Variants in SPEF2 observed in about 807,000 individuals in gnomAD.
SPEF2 encodes sperm flagellar and cilia associated 2, also known as sperm flagella and cilia-associated protein 2.
SPEF2 carries 187 observed loss-of-function variants against 224.6 expected under a neutral mutation model. The observed-to-expected ratio is 0.83, with a 90% CI of 0.74 to 0.94. SPEF2 has a LOEUF of 0.94. SPEF2 is among the 40% of genes least tolerant of loss of function. The probability of loss-of-function intolerance (pLI) is 0.00; values close to 1 mark genes in which losing one functional copy is unlikely to be tolerated. For missense variants in SPEF2, 2,170 were observed against 2,135.6 expected (o/e 1.02, Z -0.32); for synonymous variants, 715 against 707.3 (o/e 1.01, Z -0.17).
At chr5:35,753,484 C>T in intron 23 of SPEF2, 140 bp from the exon 24 acceptor site, 1 of 1,075,926 alleles carries the variant, frequency 9.3e-7, no homozygotes, top group Non-Finnish European at 1.4e-6. Flanking sequence ...TGAATGAGCA[C>T]ATACAATACA....
intron 21 of SPEF2, among the ~76,000 whole-genome samples, chr5:35,733,312 T>C (rs1580495295): frequency 6.6e-6 from 1 of 152,070 alleles, no homozygotes; most frequent in South Asian, 2.1e-4. Context: ...GATGGGGTTT[T>C]ACCGTGTTAG....
At chr5:35,677,473 T>C (rs1752189781) in intron 10 of SPEF2, among the ~76,000 whole-genome samples, 2 of 152,188 alleles carry the variant, frequency 1.3e-5, no homozygotes, top group South Asian at 4.1e-4. Flanking sequence ...TCAAGGGCAC[T>C]TGGGGAGCAA....
chr5:35,786,994 A>G (rs1254439013), intron 30 of SPEF2, among the ~76,000 whole-genome samples: 1 of 152,228 alleles, frequency 6.6e-6, no homozygotes, highest in Non-Finnish European at 1.5e-5. Flanking sequence ...ACATAATCTA[A>G]TGATTAGTAG....
intron 23 of SPEF2, among the ~76,000 whole-genome samples, chr5:35,747,694 A>G (rs1748764224): frequency 6.6e-6 from 1 of 152,196 alleles, no homozygotes; most frequent in African/African-American, 2.4e-5. Flanking sequence ...AACAATCACT[A>G]ACAGACCTAA....
chr5:35,670,339 G>C, intron 10 of SPEF2, 112 bp downstream of exon 10: 1 of 1,438,914 alleles, frequency 6.9e-7, no homozygotes, highest in Non-Finnish European at 9.1e-7. Context: ...GACATGTTTT[G>C]TTTGCATTTT....
At chr5:35,746,364 G>A (rs1480258798) in intron 23 of SPEF2, among the ~76,000 whole-genome samples, 4 of 152,186 alleles carry the variant, frequency 2.6e-5, no homozygotes, top group Non-Finnish European at 5.9e-5. Context: ...TAGTTATTAA[G>A]CTAATCAGGG....
chr5:35,634,876 GT>G (rs1023834215), intron 2 of SPEF2, among the ~76,000 whole-genome samples: 14 of 150,904 alleles, frequency 9.3e-5, no homozygotes, highest in East Asian at 7.7e-4. Flanking sequence ...TGCCATTTAG[GT>G]TTTTTTTTAT....
chr5:35,708,593 TCCC>T (rs1561235841), intron 18 of SPEF2, among the ~76,000 whole-genome samples: 31 of 147,840 alleles, frequency 2.1e-4, no homozygotes, highest in East Asian at 6.0e-4. Flanking sequence ...ACTACCACCA[TCCC>T]CACCACAGAC....
In SPEF2 at chr5:35,704,544, T is replaced by C; in HGVS notation, c.2399-10T>C. On this transcript the variant is annotated splice_polypyrimidine_tract_variant and intron_variant, in intron 16 of 36. Transcript: ENST00000356031. The stretch of plus-strand genomic sequence containing the variant: ...GAAAATTATCTAATTAAATAAATTT[T>C]ATACCATAGCTGAAGAATTGTCCTA... The C allele has an allele frequency of 6.3e-7, 1 of 1,580,610 alleles. No individual in the cohort carries two copies. The highest frequency in any genetic ancestry group is 1.2e-5 in the South Asian group (1 of 86,184).
At chr5:35,740,678 G>A (rs980045415) in intron 23 of SPEF2, among the ~76,000 whole-genome samples, 9 of 152,160 alleles carry the variant, frequency 5.9e-5, no homozygotes, top group African/African-American at 2.2e-4. Context: ...TACCTCTATT[G>A]AATAGATCTC....
chr5:35,649,255 C>A, intron 5 of SPEF2, 106 bp from the exon 6 acceptor site: 10 of 899,680 alleles, frequency 1.1e-5, no homozygotes, highest in South Asian at 4.0e-5. Flanking sequence ...TCCTAATTAC[C>A]TTGAATTAGT....
chr5:35,740,350 C>A, intron 23 of SPEF2, 83 bp downstream of exon 23: 1 of 1,547,840 alleles, frequency 6.5e-7, no homozygotes. Flanking sequence ...TTGCTCCTTA[C>A]TTTTGTGAAG....
chr5:35,642,782 G>A (rs185845123), intron 3 of SPEF2, among the ~76,000 whole-genome samples: 2 of 152,298 alleles, frequency 1.3e-5, no homozygotes, highest in East Asian at 3.9e-4. Context: ...TTTTGAAGCA[G>A]CAATGACGTA....
chr5:35,627,120 T>C (rs1157160029), intron 1 of SPEF2, among the ~76,000 whole-genome samples: 1 of 151,756 alleles, frequency 6.6e-6, no homozygotes. Flanking sequence ...TGGAAGCAGG[T>C]TGAATATCTG....
chr5:35,688,419 T>C (rs1478372726), intron 10 of SPEF2, among the ~76,000 whole-genome samples: 1 of 152,248 alleles, frequency 6.6e-6, no homozygotes, highest in Non-Finnish European at 1.5e-5. Flanking sequence ...CATAATTTAC[T>C]AAGATATTGT....
At chr5:35,805,501 AT>A (rs917259712) in intron 34 of SPEF2, among the ~76,000 whole-genome samples, 149 of 152,054 alleles carry the variant, frequency 9.8e-4, no homozygotes, top group African/African-American at 3.5e-3. Context: ...CTAAATTAGC[AT>A]TTTTTTTCTT....
intron 34 of SPEF2, among the ~76,000 whole-genome samples, chr5:35,804,158 A>G (rs1318017177): frequency 2.6e-5 from 4 of 152,210 alleles, no homozygotes; most frequent in East Asian, 1.9e-4. Context: ...CTTTGCCCAC[A>G]TTAATCCAAG....
intron 18 of SPEF2, among the ~76,000 whole-genome samples, chr5:35,708,307 C>T (rs1423611741): frequency 1.3e-5 from 2 of 152,008 alleles, no homozygotes; most frequent in African/African-American, 4.8e-5. Context: ...CTTTCCCCTT[C>T]CATTTCCTCC....
At chr5:35,766,866 A>G (rs1448524137) in intron 26 of SPEF2, among the ~76,000 whole-genome samples, 1 of 151,814 alleles carries the variant, frequency 6.6e-6, no homozygotes, top group Non-Finnish European at 1.5e-5. Context: ...TTAGAAATAT[A>G]TTTTTAATTT....
Sources: allele counts gnomAD v4.1 joint callset (sites outside exome capture counted in the v4.1 genomes callset), GRCh38; gene constraint gnomAD v4.1.1; transcripts MANE v1.5; gene names NCBI Gene and HGNC (gene_info 2026-07-23, HGNC 2026-07-21).